RARA: variants seen among roughly 807,000 people sequenced by gnomAD.
RARA encodes the protein PML-DDX5-RARA fusion.
Under a neutral mutation model 42.8 loss-of-function variants are expected in RARA, and 5 were observed. That is an observed-to-expected ratio of 0.12 (90% CI 0.06 to 0.25). RARA has a LOEUF of 0.25. Ranked by LOEUF, RARA falls within the 10% of genes least tolerant of loss-of-function variation. The pLI is 1.00. For synonymous variants in RARA, 256 were observed against 259.5 expected (o/e 0.99, Z 0.13); for missense variants, 402 against 628.7 (o/e 0.64, Z 3.86).
chr17:40,309,909 C>T (rs1367600785), intron 1 of RARA, among the ~76,000 whole-genome samples: 1 of 152,186 alleles, frequency 6.6e-6, no homozygotes, highest in Non-Finnish European at 1.5e-5. Flanking sequence ...CATTTCAACA[C>T]CTGCTGCAGA....
chr17:40,331,988 G>C (rs2033706811), intron 2 of RARA, among the ~76,000 whole-genome samples: 1 of 152,228 alleles, frequency 6.6e-6, no homozygotes, highest in African/African-American at 2.4e-5. Flanking sequence ...AGTGTCCCAG[G>C]AGGGGACACT....
intron 2 of RARA, chr17:40,341,645 G>A: frequency 7.4e-7 from 1 of 1,342,362 alleles, no homozygotes; most frequent in East Asian, 3.1e-5. Flanking sequence ...GTGAGGCGCC[G>A]CCAGGCGAGT....
At chr17:40,313,734 A>C (rs2033139324) in intron 1 of RARA, among the ~76,000 whole-genome samples, 1 of 151,932 alleles carries the variant, frequency 6.6e-6, no homozygotes, top group Non-Finnish European at 1.5e-5. Flanking sequence ...CCAACGCACC[A>C]AGCAAGTCAT....
At position 40,331,086 on chromosome 17, in the gene RARA, A is replaced by T. The variant is rs769075062; in HGVS notation, c.-133A>T. 31 of 1,063,232 alleles carry T rather than the reference A, an allele frequency of 2.9e-5. No individual in the cohort carries two copies. The highest frequency in any genetic ancestry group is 4.1e-5 in the Non-Finnish European group (31 of 748,824). 65.9% of individuals were successfully genotyped at this position (1,063,232 alleles called of 1,614,324 possible). On this transcript the variant is annotated 5_prime_UTR_variant, in exon 2 of 9. Coordinates refer to ENST00000254066, the MANE Select transcript of RARA (RefSeq NM_000964.4). Reference sequence around the variant, plus strand: ...CCTGCCCTCTTTGGACAGCAGCTCCAGGACAGGGCGGGTGGGCTGACCACC... The same window carrying T: ...CCTGCCCTCTTTGGACAGCAGCTCCTGGACAGGGCGGGTGGGCTGACCACC...
At chr17:40,349,735 G>A (rs751308750) in intron 3 of RARA, 49 bp from the exon 4 acceptor site, 14 of 1,607,694 alleles carry the variant, frequency 8.7e-6, no homozygotes, top group Non-Finnish European at 1.2e-5. Flanking sequence ...GCCAGGCACT[G>A]CTCCCACTGT....
At chr17:40,310,347 T>A (rs2033071829) in intron 1 of RARA, among the ~76,000 whole-genome samples, 1 of 151,688 alleles carries the variant, frequency 6.6e-6, no homozygotes, top group African/African-American at 2.4e-5. Context: ...ACACCTTGTC[T>A]GACTTACCAT....
rs1320337877 is a variant in RARA, at chr17:40,355,091, C to G, written c.1013-172C>G. The stretch of plus-strand genomic sequence containing the variant: ...CCTCACCCTCAGCTCCCGTTGCTCC[C>G]TTTTAAGGGCCTCTGTACCCTGCGG... On this transcript the variant is annotated intron_variant, in intron 7 of 8. Transcript: ENST00000254066. This position sits in a 1 kb window ranked among gnomAD's most constrained non-coding sequence, Gnocchi z 4.1. Among the ~76,000 whole-genome samples, 1 of 152,174 alleles carries G rather than the reference C, an allele frequency of 6.6e-6. No homozygotes were observed. Among genetic ancestry groups the G allele is most frequent in the Non-Finnish European group, 1.5e-5 (1 of 68,030 alleles).
Position 40,326,900 on chromosome 17 carries a change from C to T in RARA, c.-362-3957C>T, listed in dbSNP as rs1001384255. Among the ~76,000 whole-genome samples, 5 of 152,150 alleles carry T rather than the reference C, an allele frequency of 3.3e-5. No individual in the cohort carries two copies. The highest frequency in any genetic ancestry group is 5.9e-5 in the Non-Finnish European group (4 of 68,018). On this transcript the variant is annotated intron_variant, in intron 1 of 8. Transcript: ENST00000254066. The surrounding 1 kb of genome is among the most constrained non-coding windows in gnomAD (Gnocchi z 5.2). ...TGTGCCCTTTTGGGCCCACCCTGGT[C>T]ATCCCTACCCTTGCCCATCCCTGTT...
intron 2 of RARA, among the ~76,000 whole-genome samples, chr17:40,343,665 G>A (rs988645009): frequency 1.3e-5 from 2 of 152,108 alleles, no homozygotes; most frequent in African/African-American, 4.8e-5. Flanking sequence ...TGGAAATGAG[G>A]ACTGCATCCC....
rs8065665 is a variant in RARA at position 40,326,011 on chromosome 17, A to C, written c.-362-4846A>C. 0.089 allele frequency among the ~76,000 whole-genome samples: 13,519 copies of C among 152,282 alleles called. 2,053 individuals carry two copies. The highest frequency in any genetic ancestry group is 0.31 in the African/African-American group (12,831 of 41,508). The stretch of plus-strand genomic sequence containing the variant: ...CTTTTTTGGTTTGTGAAATGAAAGA[A>C]GGGAATTTGGGAATGGGTTGTGGTC... On this transcript the variant is annotated intron_variant, in intron 1 of 8. Transcript: ENST00000254066. The surrounding 1 kb of genome is among the most constrained non-coding windows in gnomAD (Gnocchi z 5.2).
chr17:40,354,557 C>T lies in RARA; in HGVS notation c.1012+51C>T, dbSNP rs1567765844. 1 of 1,584,966 alleles carries T rather than the reference C, an allele frequency of 6.3e-7. No homozygotes were observed. The highest frequency in any genetic ancestry group is 1.1e-5 in the South Asian group (1 of 89,856). ...GCTGGGCTGGGACGGGGGTGCAGCC[C>T]TGGAGTCTCTTCCAGGGAGCTCTTT... On this transcript the variant is annotated intron_variant, in intron 7 of 8. Coordinates refer to ENST00000254066, the MANE Select transcript of RARA (RefSeq NM_000964.4). This position sits in a 1 kb window ranked among gnomAD's most constrained non-coding sequence, Gnocchi z 4.5.
intron 1 of RARA, among the ~76,000 whole-genome samples, chr17:40,329,109 A>G (rs184087349): frequency 6.6e-6 from 1 of 150,658 alleles, no homozygotes; most frequent in East Asian, 2.0e-4. Context: ...GAGCTAGCCT[A>G]GTGGGTATGA....
In RARA at chr17:40,356,761, T is replaced by C. The variant is rs767090750; in HGVS notation, c.*535T>C. On this transcript the variant is annotated 3_prime_UTR_variant, in exon 9 of 9. Transcript: ENST00000254066. ...TTGTTTTTATTTTAATTTTTTTGTT[T>C]TGATTTTTTTAATAAGAATTTTCAT... is the stretch of plus-strand genomic sequence containing the variant. 3.8e-6 allele frequency: 2 copies of C among 520,632 alleles called. No individual in the cohort carries two copies. Among genetic ancestry groups the C allele is most frequent in the South Asian group, 3.2e-5 (2 of 62,220 alleles). The allele number at this position is 520,632 out of a possible 1,614,324, so 32.3% of individuals were successfully genotyped here. A position where few individuals can be genotyped will look rare whatever the true frequency, so the allele number is the denominator to read the frequency against.
chr17:40,326,223 G>A lies in RARA; in HGVS notation c.-362-4634G>A, dbSNP rs2033542211. 1.3e-5 allele frequency among the ~76,000 whole-genome samples: 2 copies of A among 152,238 alleles called. No individual in the cohort carries two copies. Among genetic ancestry groups the A allele is most frequent in the African/African-American group, 4.8e-5 (2 of 41,454 alleles). ...ACCAAGGTGGTGGCAAGAGGCATGG[G>A]GATGGAGGGCTCCAGTTGCCCGGGC... On this transcript the variant is annotated intron_variant, in intron 1 of 8. Coordinates refer to ENST00000254066, the MANE Select transcript of RARA (RefSeq NM_000964.4). This position sits in a 1 kb window ranked among gnomAD's most constrained non-coding sequence, Gnocchi z 5.2.
chr17:40,323,220 G>C (rs1210554152), intron 1 of RARA: 1 of 152,306 alleles, frequency 6.6e-6, no homozygotes, highest in Non-Finnish European at 1.5e-5. Flanking sequence ...TGGGGAGACT[G>C]TGACCGCATC....
rs1188965901 is a variant in RARA, at chr17:40,345,087, A to C, written c.179-3229A>C. ...CTCCCCAGAGCCCTCATTTCGGTGC[A>C]TTAGAGGACAAGGGGGGTGCACAGG... On this transcript the variant is annotated intron_variant, in intron 2 of 8. Coordinates refer to ENST00000254066, the MANE Select transcript of RARA (RefSeq NM_000964.4). This position sits in a 1 kb window ranked among gnomAD's most constrained non-coding sequence, Gnocchi z 4.8. 1.3e-5 allele frequency among the ~76,000 whole-genome samples: 2 copies of C among 152,154 alleles called. No individual in the cohort carries two copies. The highest frequency in any genetic ancestry group is 2.9e-5 in the Non-Finnish European group (2 of 67,996).
rs976746384 is a variant in RARA, at chr17:40,331,096, G to A, written c.-123G>A. 5.3e-6 allele frequency: 6 copies of A among 1,140,172 alleles called. No individual in the cohort carries two copies. Among genetic ancestry groups the A allele is most frequent in the Admixed American group, 2.4e-5 (1 of 41,766 alleles). 70.6% of individuals were successfully genotyped at this position (1,140,172 alleles called of 1,614,324 possible). A position where few individuals can be genotyped will look rare whatever the true frequency, so the allele number is the denominator to read the frequency against. On this transcript the variant is annotated 5_prime_UTR_variant, in exon 2 of 9. Transcript: ENST00000254066. Reference sequence around the variant, plus strand: ...TTGGACAGCAGCTCCAGGACAGGGCGGGTGGGCTGACCACCCAAACCCCAT... The same window carrying A: ...TTGGACAGCAGCTCCAGGACAGGGCAGGTGGGCTGACCACCCAAACCCCAT...
intron 2 of RARA, chr17:40,342,659 G>A: frequency 6.4e-7 from 1 of 1,567,278 alleles, no homozygotes; most frequent in Non-Finnish European, 8.7e-7. Flanking sequence ...GACGGGGGCG[G>A]CGCGCAGGAC....
chr17:40,345,620 TGGGCGCTGGAACTTTGAGCTGAGAA>T lies in RARA; in HGVS notation c.179-2693_179-2669del, dbSNP rs1411192247. Among the ~76,000 whole-genome samples the T allele has an allele frequency of 6.6e-6, 1 of 152,198 alleles. No homozygotes were observed. The highest frequency in any genetic ancestry group is 1.5e-5 in the Non-Finnish European group (1 of 68,024). On this transcript the variant is annotated intron_variant, in intron 2 of 8. Coordinates refer to ENST00000254066, the MANE Select transcript of RARA (RefSeq NM_000964.4). This position sits in a 1 kb window ranked among gnomAD's most constrained non-coding sequence, Gnocchi z 4.8. The stretch of plus-strand genomic sequence containing the variant: ...TCCTGGGTCAGTTCCAGTCCTCTGT[TGGGCGCTGGAACTTTGAGCTGAGAA>T]GGTGTGGTCCTTCTCTAGCCCGAGT...
Sources: gnomAD v4.1 joint callset for allele counts (sites outside exome capture counted in the v4.1 genomes callset) on GRCh38, gnomAD v4.1.1 for gene constraint, Gnocchi (gnomAD v3.1) non-coding constraint, MANE v1.5 for transcripts, NCBI Gene and HGNC (gene_info 2026-07-23, HGNC 2026-07-21) for gene names.